The following GAS7 variants were observed in gnomAD, a reference collection of about 807,000 sequenced individuals.
The protein encoded by GAS7 is growth arrest-specific protein 7.
In GAS7, 28 loss-of-function variants were observed where a neutral mutation model predicts 71.1. The ratio of observed to expected loss-of-function variants is 0.39; its 90% confidence interval spans 0.29 to 0.54. The LOEUF (loss-of-function observed/expected upper bound fraction) is 0.54. Ranked by LOEUF, GAS7 falls within the 20% of genes least tolerant of loss-of-function variation. The pLI is 0.62. For missense variants in GAS7, 436 were observed against 627.8 expected (o/e 0.69, Z 3.27); for synonymous variants, 258 against 245.8 (o/e 1.05, Z -0.46).
At chr17:10,187,747 T>A (rs974975643) in intron 1 of GAS7, among the ~76,000 whole-genome samples, 2 of 152,200 alleles carry the variant, frequency 1.3e-5, no homozygotes, top group Non-Finnish European at 2.9e-5. Context: ...AAAGATTTGC[T>A]GTTACTGAGG....
At chr17:10,126,897 T>G (rs2073955678) in intron 1 of GAS7, among the ~76,000 whole-genome samples, 1 of 152,186 alleles carries the variant, frequency 6.6e-6, no homozygotes, top group African/African-American at 2.4e-5. Context: ...TTAACCTCTT[T>G]GGGTCTCTGT....
Position 10,035,563 on chromosome 17 carries a change from G to A in GAS7, c.184-15666C>T, listed in dbSNP as rs9944520. Among the ~76,000 whole-genome samples the A allele has an allele frequency of 6.5e-3, 983 of 152,258 alleles. 8 individuals carry two copies. Among genetic ancestry groups the A allele is most frequent in the African/African-American group, 0.022 (918 of 41,540 alleles). On this transcript the variant is annotated intron_variant, in intron 1 of 13. Transcript: ENST00000432992. Reference sequence around the variant, plus strand: ...ATGCCAGAATCAGAGATGCTGATGGGCCCAGGGAGGTGGGAGAGCATATCC... The same window carrying A: ...ATGCCAGAATCAGAGATGCTGATGGACCCAGGGAGGTGGGAGAGCATATCC...
rs544372914 is a variant in GAS7, at chr17:9,933,097, G to A, written c.885+1069C>T. Among the ~76,000 whole-genome samples, 241 of 152,170 alleles carry A rather than the reference G, an allele frequency of 1.6e-3. 1 individual carries two copies. The highest frequency in any genetic ancestry group is 1.9e-3 in the Non-Finnish European group (127 of 67,982). On this transcript the variant is annotated intron_variant, in intron 9 of 13. Coordinates refer to ENST00000432992, the MANE Select transcript of GAS7 (RefSeq NM_201433.2). ...TGAGGCAGGAGAATCACTTGAACCC[G>A]GGAGGCGGAGCTTGCAGTGAGCTGA... is the stretch of plus-strand genomic sequence containing the variant.
At chr17:10,069,808 G>T (rs182114218) in intron 1 of GAS7, among the ~76,000 whole-genome samples, 1 of 152,216 alleles carries the variant, frequency 6.6e-6, no homozygotes, top group African/African-American at 2.4e-5. Flanking sequence ...ACAGAAAATT[G>T]ATGTGAGTCT....
intron 9 of GAS7, among the ~76,000 whole-genome samples, chr17:9,930,725 G>A (rs2068179178): frequency 6.6e-6 from 1 of 152,018 alleles, no homozygotes; most frequent in South Asian, 2.1e-4. Context: ...GTCTTTTGGA[G>A]CAGACATTAA....
intron 1 of GAS7, among the ~76,000 whole-genome samples, chr17:10,075,162 C>T (rs773227882): frequency 2.6e-5 from 4 of 151,846 alleles, no homozygotes; most frequent in Non-Finnish European, 4.4e-5. Flanking sequence ...TTGAGACCAG[C>T]CTGACCAACA....
chr17:10,000,842 A>G lies in GAS7; in HGVS notation c.304+18935T>C, dbSNP rs904871030. Among the ~76,000 whole-genome samples the G allele has an allele frequency of 2.0e-5, 3 of 152,260 alleles. No individual in the cohort carries two copies. In the East Asian group the frequency reaches 5.8e-4, roughly 29 times the overall value. On this transcript the variant is annotated intron_variant, in intron 2 of 13. Coordinates refer to ENST00000432992, the MANE Select transcript of GAS7 (RefSeq NM_201433.2). ...TCCGTACCTTTCTGCAGTGGCACCC[A>G]TCTACCCAATCAGCACATACCATTT...
intron 2 of GAS7, among the ~76,000 whole-genome samples, chr17:9,985,481 C>G (rs1326136067): frequency 6.6e-6 from 1 of 152,226 alleles, no homozygotes; most frequent in African/African-American, 2.4e-5. Context: ...TCCCCCATCC[C>G]TGGATATCAC....
At chr17:10,123,771 G>A (rs968084479) in intron 1 of GAS7, among the ~76,000 whole-genome samples, 1 of 152,206 alleles carries the variant, frequency 6.6e-6, no homozygotes, top group Non-Finnish European at 1.5e-5. Context: ...AGGGAGGTTG[G>A]AGTCCAAGGC....
chr17:10,005,239 GCGCA>G (rs1567880586), intron 2 of GAS7, among the ~76,000 whole-genome samples: 4 of 150,240 alleles, frequency 2.7e-5, no homozygotes, highest in African/African-American at 9.9e-5. Context: ...GTGTATGTGC[GCGCA>G]TGCATGTGTG....
chr17:9,941,135 T>C (rs1597493450), intron 7 of GAS7, among the ~76,000 whole-genome samples: 2 of 152,152 alleles, frequency 1.3e-5, no homozygotes, highest in Admixed American at 1.3e-4. Context: ...TTCCGAGTAA[T>C]AATAATTGCA....
At chr17:10,096,534 GAT>G (rs1326598085) in intron 1 of GAS7, among the ~76,000 whole-genome samples, 1 of 152,206 alleles carries the variant, frequency 6.6e-6, no homozygotes, top group African/African-American at 2.4e-5. Flanking sequence ...TTCTTCCAAG[GAT>G]GGCACTCCAT....
chr17:9,962,840 T>A (rs1219953052), intron 4 of GAS7, among the ~76,000 whole-genome samples: 1 of 151,944 alleles, frequency 6.6e-6, no homozygotes, highest in East Asian at 1.9e-4. Flanking sequence ...GAGTGCAAAC[T>A]GAGCCTCATG....
chr17:10,114,235 T>C (rs1461828231), intron 1 of GAS7, among the ~76,000 whole-genome samples: 1 of 152,114 alleles, frequency 6.6e-6, no homozygotes, highest in Non-Finnish European at 1.5e-5. Context: ...TTTCCGTCAA[T>C]GCTACAGTCT....
intron 1 of GAS7, among the ~76,000 whole-genome samples, chr17:10,161,499 T>C (rs2074256009): frequency 1.3e-5 from 2 of 152,202 alleles, no homozygotes; most frequent in South Asian, 2.1e-4. Context: ...GTAGGTGCCA[T>C]CTTGTCCTCT....
rs1197970452 is a variant in GAS7, at chr17:9,915,616, A to G, written c.*1612T>C. On this transcript the variant is annotated 3_prime_UTR_variant, in exon 14 of 14. Coordinates refer to ENST00000432992, the MANE Select transcript of GAS7 (RefSeq NM_201433.2). ...ACGAAAGCAATTCTCATTCAATGAA[A>G]GAGGCGCCAAAAAATTAGAGATTAA... 1 of 226,860 alleles carries G rather than the reference A, an allele frequency of 4.4e-6. No homozygotes were observed. Among genetic ancestry groups the G allele is most frequent in the Non-Finnish European group, 8.8e-6 (1 of 114,094 alleles). The allele number at this position is 226,860 out of a possible 1,614,324, so 14.1% of individuals were successfully genotyped here.
rs934619768 is a variant in GAS7, at chr17:10,034,682, A to G, written c.184-14785T>C. Among the ~76,000 whole-genome samples, 1 of 152,204 alleles carries G rather than the reference A, an allele frequency of 6.6e-6. No homozygotes were observed. The highest frequency in any genetic ancestry group is 2.4e-5 in the African/African-American group (1 of 41,446). On this transcript the variant is annotated intron_variant, in intron 1 of 13. Transcript: ENST00000432992. This position sits in a 1 kb window ranked among gnomAD's most constrained non-coding sequence, Gnocchi z 4.4. ...ATTTTAATAGGAGAAAAAAAGTCAC[A>G]TTCAAGTGTAGACATGGGCATCATG... is the stretch of plus-strand genomic sequence containing the variant.
intron 2 of GAS7, among the ~76,000 whole-genome samples, chr17:10,004,783 G>A (rs968922338): frequency 6.6e-6 from 1 of 152,156 alleles, no homozygotes; most frequent in African/African-American, 2.4e-5. Flanking sequence ...AGGCCAAGGA[G>A]GGCAGATCAC....
chr17:9,966,130 C>T (rs1389651912), intron 4 of GAS7, among the ~76,000 whole-genome samples: 1 of 151,746 alleles, frequency 6.6e-6, no homozygotes, highest in East Asian at 1.9e-4. Context: ...TCCCGAGTAG[C>T]TGGGACTACA....
Sources: allele counts gnomAD v4.1 joint callset (sites outside exome capture counted in the v4.1 genomes callset), GRCh38; gene constraint gnomAD v4.1.1; non-coding constraint Gnocchi (gnomAD v3.1); transcripts MANE v1.5; gene names NCBI Gene and HGNC (gene_info 2026-07-23, HGNC 2026-07-21).